The following SLCO4A1 variants were observed in gnomAD, a reference collection of about 807,000 sequenced individuals.
The protein encoded by SLCO4A1 is solute carrier organic anion transporter family member 4A1.
Under a neutral mutation model 64.6 loss-of-function variants are expected in SLCO4A1, and 51 were observed. That is an observed-to-expected ratio of 0.79 (90% CI 0.63 to 1.00). The LOEUF (loss-of-function observed/expected upper bound fraction) is 1.00, where lower values mean the gene tolerates loss of function less well. SLCO4A1 is among the 50% of genes least tolerant of loss of function. SLCO4A1 has a pLI of 0.00. For missense variants in SLCO4A1, 919 were observed against 980.5 expected (o/e 0.94, Z 0.84); for synonymous variants, 471 against 444.9 (o/e 1.06, Z -0.74).
chr20:62,650,925 C>G, intron 1 of SLCO4A1, among the ~76,000 whole-genome samples: 1 of 152,244 alleles, frequency 6.6e-6, no homozygotes. Context: ...AGGCAGAGTT[C>G]TCATCCCTCT....
downstream of SLCO4A1, among the ~76,000 whole-genome samples, chr20:62,675,964 G>A (rs577940137): frequency 6.6e-6 from 1 of 152,256 alleles, no homozygotes; most frequent in South Asian, 2.1e-4. Context: ...GTTTTCCCTC[G>A]AGAGATTTTC....
intron 1 of SLCO4A1, among the ~76,000 whole-genome samples, chr20:62,653,958 G>A (rs1450593713): frequency 2.6e-5 from 4 of 151,986 alleles, no homozygotes; most frequent in Admixed American, 6.5e-5. Context: ...GTTAATGGGT[G>A]CAGCACACCA....
chr20:62,673,457 C>A (rs1483180787), downstream of SLCO4A1, among the ~76,000 whole-genome samples: 3 of 143,668 alleles, frequency 2.1e-5, 1 homozygote, highest in Non-Finnish European at 4.8e-5. Flanking sequence ...TGCCGGCTTC[C>A]AGTGACCTGC....
Position 62,644,483 on chromosome 20 carries a change from G to A in SLCO4A1, c.-97+1930G>A, listed in dbSNP as rs1980968546. 1.3e-5 allele frequency among the ~76,000 whole-genome samples: 2 copies of A among 152,360 alleles called. No individual in the cohort carries two copies. Among genetic ancestry groups the A allele is most frequent in the African/African-American group, 4.8e-5 (2 of 41,586 alleles). ...TGGCAGGCAGGGCAGGCTGGGCCAG[G>A]TGAAGGGTGGCCAGGTGGATGGACA... On this transcript the variant is annotated intron_variant, in intron 1 of 11. Coordinates refer to ENST00000217159, the MANE Select transcript of SLCO4A1 (RefSeq NM_016354.4). This position sits in a 1 kb window ranked among gnomAD's most constrained non-coding sequence, Gnocchi z 5.4.
At position 62,644,933 on chromosome 20, in the gene SLCO4A1, C is replaced by T. The variant is rs1981048159; in HGVS notation, c.-97+2380C>T. The stretch of plus-strand genomic sequence containing the variant: ...GCTCTGGGAGAGAGCCACGCCAGGC[C>T]AGCCCTCCTGCTTCCTCAAGCGGGC... On this transcript the variant is annotated intron_variant, in intron 1 of 11. Coordinates refer to ENST00000217159, the MANE Select transcript of SLCO4A1 (RefSeq NM_016354.4). This position sits in a 1 kb window ranked among gnomAD's most constrained non-coding sequence, Gnocchi z 5.4. 6.6e-6 allele frequency among the ~76,000 whole-genome samples: 1 copy of T among 152,242 alleles called. No individual in the cohort carries two copies. The highest frequency in any genetic ancestry group is 1.5e-5 in the Non-Finnish European group (1 of 68,038).
rs8124106 is a variant in SLCO4A1, at chr20:62,644,610, G to A, written c.-97+2057G>A. Among the ~76,000 whole-genome samples, 2,681 of 152,322 alleles carry A rather than the reference G, an allele frequency of 0.018. 64 individuals carry two copies. Among genetic ancestry groups the A allele is most frequent in the African/African-American group, 0.061 (2,515 of 41,558 alleles). ...CCCATTGCAGTTTTGGCTCCAGGTC[G>A]GTCTGACTTCCAAATGGCAAAATTT... On this transcript the variant is annotated intron_variant, in intron 1 of 11. Coordinates refer to ENST00000217159, the MANE Select transcript of SLCO4A1 (RefSeq NM_016354.4). This position sits in a 1 kb window ranked among gnomAD's most constrained non-coding sequence, Gnocchi z 5.4.
At chr20:62,681,168 G>A (rs957581221) in intron 2 of SLCO4A1, among the ~76,000 whole-genome samples, 2 of 152,302 alleles carry the variant, frequency 1.3e-5, no homozygotes, top group East Asian at 3.9e-4. Flanking sequence ...TTACAGGCAT[G>A]AGCCACCCTT....
chr20:62,672,045 C>T lies in SLCO4A1; in HGVS notation c.*152C>T, dbSNP rs1273043785. ...TTAAAGTCGGCTGTGACCTCCTGTC[C>T]CCAGAGCTGTACGGCCCTGCAGTGG... On this transcript the variant is annotated 3_prime_UTR_variant, in exon 12 of 12. Transcript: ENST00000217159. 6.5e-7 allele frequency: 1 copy of T among 1,545,698 alleles called. No homozygotes were observed. Among genetic ancestry groups the T allele is most frequent in the Admixed American group, 1.9e-5 (1 of 52,728 alleles).
At chr20:62,674,545 G>A (rs187693915), downstream of SLCO4A1, among the ~76,000 whole-genome samples, 16 of 152,346 alleles carry the variant, frequency 1.1e-4, no homozygotes, top group African/African-American at 3.8e-4. Flanking sequence ...CACCCTCTCT[G>A]CTGCCAGTGG....
In SLCO4A1 at chr20:62,657,191, C is replaced by T. The variant is rs1284864512; in HGVS notation, c.737C>T (p.Thr246Met). 23 of 1,550,416 alleles carry T rather than the reference C, an allele frequency of 1.5e-5. No individual in the cohort carries two copies. The highest frequency in any genetic ancestry group is 1.7e-5 in the Non-Finnish European group (20 of 1,147,006). Residue 246 changes from threonine to methionine, a missense_variant, in exon 2 of 12, where the codon ACG becomes ATG. Coordinates refer to ENST00000217159, the MANE Select transcript of SLCO4A1 (RefSeq NM_016354.4). ...LHGVGATPLY[T>M]LGVTYLDENV... Reference sequence around the variant, plus strand: ...GGCGTGGGTGCCACACCCCTCTACACGCTGGGCGTCACCTACCTGGATGAG... The same window carrying T: ...GGCGTGGGTGCCACACCCCTCTACATGCTGGGCGTCACCTACCTGGATGAG...
Position 62,672,111 on chromosome 20 carries a change from G to GT in SLCO4A1, c.*221dup. The GT allele has an allele frequency of 1.7e-5, 24 of 1,433,034 alleles. No homozygotes were observed. Among genetic ancestry groups the GT allele is most frequent in the Non-Finnish European group, 2.2e-5 (24 of 1,092,424 alleles). The allele number at this position is 1,433,034 out of a possible 1,614,324, so 88.8% of individuals were successfully genotyped here. A position where few individuals can be genotyped will look rare whatever the true frequency, so the allele number is the denominator to read the frequency against. ...ATAAATATATATTTATGGACACACA[G>GT]TTTGCATCAGAACGTGTTTATAGAA... On this transcript the variant is annotated 3_prime_UTR_variant, in exon 12 of 12. Transcript: ENST00000217159.
chr20:62,672,663 C>T (rs1186242366), downstream of SLCO4A1: 1 of 152,332 alleles, frequency 6.6e-6, no homozygotes, highest in Non-Finnish European at 1.5e-5. Flanking sequence ...CTGGTATCAA[C>T]TGCCTTGCGT....
At position 62,644,179 on chromosome 20, in the gene SLCO4A1, C is replaced by T. The variant is rs938215713; in HGVS notation, c.-97+1626C>T. Among the ~76,000 whole-genome samples, 16 of 152,254 alleles carry T rather than the reference C, an allele frequency of 1.1e-4. No homozygotes were observed. Among genetic ancestry groups the T allele is most frequent in the Non-Finnish European group, 1.9e-4 (13 of 68,044 alleles). On this transcript the variant is annotated intron_variant, in intron 1 of 11. Coordinates refer to ENST00000217159, the MANE Select transcript of SLCO4A1 (RefSeq NM_016354.4). This position sits in a 1 kb window ranked among gnomAD's most constrained non-coding sequence, Gnocchi z 5.4. ...TAGGATGTTGCTCGGGCCGAGACCA[C>T]ACAGCCCGACTTCCCTCTGTGCTGC...
At chr20:62,669,145 C>T (rs1986895104) in intron 11 of SLCO4A1, 67 bp downstream of exon 11, 5 of 1,498,768 alleles carry the variant, frequency 3.3e-6, no homozygotes, top group Non-Finnish European at 4.6e-6. Context: ...GAACATGCCG[C>T]GATCTTCCAG....
intron 7 of SLCO4A1, among the ~76,000 whole-genome samples, chr20:62,666,919 G>A (rs912542549): frequency 1.3e-5 from 2 of 152,190 alleles, no homozygotes; most frequent in African/African-American, 4.8e-5. Flanking sequence ...CATAAAAAGT[G>A]TCCCAGGATG....
Position 62,671,822 on chromosome 20 carries a change from G to A in SLCO4A1, c.2098G>A (p.Glu700Lys). Reference protein sequence around the residue: ...KPLSESSDGLETCLPSQSSAP... With the variant: ...KPLSESSDGLKTCLPSQSSAP... ...CCTGTCGGAGTCTTCAGATGGCCTG[G>A]AAACTTGTCTGCCCAGCCAGTCCTC... The change falls in exon 12 of 12, where the codon GAA becomes AAA. Residue 700 changes from glutamate (E) to lysine (K), a missense_variant. Transcript: ENST00000217159. 1 of 1,613,508 alleles carries A rather than the reference G, an allele frequency of 6.2e-7. No homozygotes were observed. Among genetic ancestry groups the A allele is most frequent in the Non-Finnish European group, 8.5e-7 (1 of 1,180,030 alleles).
At position 62,656,790 on chromosome 20, in the gene SLCO4A1, C is replaced by T. The variant is rs757177474; in HGVS notation, c.336C>T (p.Ala112=). The T allele has an allele frequency of 1.2e-5, 20 of 1,612,752 alleles. No homozygotes were observed. The highest frequency in any genetic ancestry group is 2.2e-5 in the East Asian group (1 of 44,896). ...GCATCCTGTTCTTCCTGTGTGCGGCCGCATTCCTGCAGGGGATGACTGTGA... is the reference window on the plus strand; with the variant it reads ...GCATCCTGTTCTTCCTGTGTGCGGCTGCATTCCTGCAGGGGATGACTGTGA... ...PKGILFFLCA[A]AFLQGMTVNG... Residue 112 remains alanine, a synonymous_variant, in exon 2 of 12, where the codon GCC becomes GCT. Coordinates refer to ENST00000217159, the MANE Select transcript of SLCO4A1 (RefSeq NM_016354.4).
intron 2 of SLCO4A1, among the ~76,000 whole-genome samples, chr20:62,684,310 G>T (rs1334035549): frequency 6.6e-6 from 1 of 152,230 alleles, no homozygotes; most frequent in Non-Finnish European, 1.5e-5. Context: ...GAGCTGGGGT[G>T]CCTGGATTAT....
intron 2 of SLCO4A1, among the ~76,000 whole-genome samples, chr20:62,684,179 G>T (rs753980458): frequency 1.2e-4 from 18 of 152,220 alleles, no homozygotes; most frequent in Non-Finnish European, 2.4e-4. Context: ...AACAGCAGTG[G>T]GAGGTCCAGG....
Sources: allele counts gnomAD v4.1 joint callset (sites outside exome capture counted in the v4.1 genomes callset), GRCh38; gene constraint gnomAD v4.1.1; non-coding constraint Gnocchi (gnomAD v3.1); transcripts MANE v1.5; gene names NCBI Gene and HGNC (gene_info 2026-07-23, HGNC 2026-07-21).